The following NKAIN3 variants were observed in gnomAD, a reference collection of about 807,000 sequenced individuals.
The protein encoded by NKAIN3 is sodium/potassium transporting ATPase interacting 3, also known as sodium/potassium-transporting ATPase subunit beta-1-interacting protein 3.
In NKAIN3, 25 loss-of-function variants were observed where a neutral mutation model predicts 30.2. That is an observed-to-expected ratio of 0.83 (90% CI 0.60 to 1.16). The LOEUF (loss-of-function observed/expected upper bound fraction) is 1.16, where lower values mean the gene tolerates loss of function less well. Among genes scored for constraint, NKAIN3 ranks in the 50% most tolerant of loss-of-function variants. The pLI is 0.00. For synonymous variants in NKAIN3, 91 were observed against 89.6 expected (o/e 1.02, Z -0.09); for missense variants, 225 against 254.1 (o/e 0.89, Z 0.78).
intron 5 of NKAIN3, 75 bp downstream of exon 5, chr8:62,918,588 C>T: frequency 1.1e-6 from 1 of 947,330 alleles, no homozygotes; most frequent in Non-Finnish European, 1.7e-6. Context: ...CATTACAGGG[C>T]TATGAAATGA....
intron 1 of NKAIN3, among the ~76,000 whole-genome samples, chr8:62,289,264 A>G (rs1335164701): frequency 1.3e-5 from 2 of 152,112 alleles, no homozygotes; most frequent in Non-Finnish European, 2.9e-5. Context: ...CCATTTGTCA[A>G]TTTTGGCTTT....
At chr8:62,261,850 A>C (rs1333475997) in intron 1 of NKAIN3, among the ~76,000 whole-genome samples, 1 of 152,202 alleles carries the variant, frequency 6.6e-6, no homozygotes, top group Non-Finnish European at 1.5e-5. Flanking sequence ...TCTTATTTTC[A>C]TGAGGCAGAT....
intron 3 of NKAIN3, among the ~76,000 whole-genome samples, chr8:62,734,709 A>G (rs1436556719): frequency 6.6e-6 from 1 of 152,240 alleles, no homozygotes; most frequent in African/African-American, 2.4e-5. Context: ...AGGAGTTAGT[A>G]ATGTCAAAAA....
chr8:62,325,818 T>G (rs950042487), intron 1 of NKAIN3, among the ~76,000 whole-genome samples: 7 of 152,116 alleles, frequency 4.6e-5, no homozygotes, highest in African/African-American at 1.7e-4. Flanking sequence ...TGTTTGTATA[T>G]CTTTTTTTGA....
chr8:62,803,019 G>A (rs1015910424), intron 4 of NKAIN3, among the ~76,000 whole-genome samples: 1 of 152,054 alleles, frequency 6.6e-6, no homozygotes, highest in Non-Finnish European at 1.5e-5. Flanking sequence ...GACAAAGAAG[G>A]CCATTATATA....
intron 1 of NKAIN3, among the ~76,000 whole-genome samples, chr8:62,444,870 T>A (rs1389591307): frequency 2.6e-5 from 4 of 152,218 alleles, no homozygotes; most frequent in African/African-American, 9.6e-5. Flanking sequence ...CCAGCATCCA[T>A]TATTCCCTGT....
rs10217011 is a variant in NKAIN3, at chr8:62,623,455, C to T, written c.273+33661C>T. Among the ~76,000 whole-genome samples, 1,316 of 152,186 alleles carry T rather than the reference C, an allele frequency of 8.6e-3. 19 individuals are homozygous for T. Among genetic ancestry groups the T allele is most frequent in the African/African-American group, 0.03 (1,254 of 41,542 alleles). On this transcript the variant is annotated intron_variant, in intron 3 of 6. Transcript: ENST00000623646. ...TATACCATTGCTGTCATTTCTTTCACTTATACATAAGTATATGCTTGTGTG... is the reference window on the plus strand; with the variant it reads ...TATACCATTGCTGTCATTTCTTTCATTTATACATAAGTATATGCTTGTGTG...
chr8:62,919,725 A>T (rs1227704486), intron 5 of NKAIN3, among the ~76,000 whole-genome samples: 1 of 152,168 alleles, frequency 6.6e-6, no homozygotes, highest in African/African-American at 2.4e-5. Flanking sequence ...ACAACCTCAA[A>T]GGGGTCTGAT....
intron 1 of NKAIN3, among the ~76,000 whole-genome samples, chr8:62,362,235 A>G (rs1467858832): frequency 1.3e-5 from 2 of 152,212 alleles, no homozygotes; most frequent in African/African-American, 4.8e-5. Context: ...AGTTTGTAAA[A>G]CAGAATAGGA....
intron 1 of NKAIN3, among the ~76,000 whole-genome samples, chr8:62,500,124 T>C (rs976729083): frequency 2.6e-5 from 4 of 152,116 alleles, no homozygotes; most frequent in Non-Finnish European, 5.9e-5. Flanking sequence ...CAGAGACTTC[T>C]ATCATCCTCA....
chr8:62,274,597 A>C (rs1812874516), intron 1 of NKAIN3, among the ~76,000 whole-genome samples: 1 of 151,878 alleles, frequency 6.6e-6, no homozygotes, highest in Non-Finnish European at 1.5e-5. Context: ...TTTTTTTTAA[A>C]TTTAGTTATT....
At position 62,537,340 on chromosome 8, in the gene NKAIN3, A is replaced by G. The variant is rs566932328; in HGVS notation, c.55-42199A>G. ...AACTGATTTTACTTAGGGAATACCA[A>G]TAAGGTTTAAAATATGCCTTTATTT... On this transcript the variant is annotated intron_variant, in intron 1 of 6. Transcript: ENST00000623646. Among the ~76,000 whole-genome samples, 4 of 152,310 alleles carry G rather than the reference A, an allele frequency of 2.6e-5. No individual in the cohort carries two copies. In the East Asian group the frequency reaches 5.8e-4, roughly 22 times the overall value.
intron 1 of NKAIN3, among the ~76,000 whole-genome samples, chr8:62,447,003 C>T (rs1050280031): frequency 2.0e-5 from 3 of 152,018 alleles, no homozygotes; most frequent in African/African-American, 7.2e-5. Flanking sequence ...ACTAATAAGA[C>T]ATTAGAAATC....
chr8:62,524,904 A>G (rs540458034), intron 1 of NKAIN3, among the ~76,000 whole-genome samples: 28 of 152,226 alleles, frequency 1.8e-4, no homozygotes, highest in Admixed American at 1.8e-3. Context: ...GATGCTCTAT[A>G]TGGTCATATT....
intron 1 of NKAIN3, among the ~76,000 whole-genome samples, chr8:62,509,430 T>TCC (rs1807751171): frequency 6.6e-6 from 1 of 152,156 alleles, no homozygotes; most frequent in South Asian, 2.1e-4. Flanking sequence ...TTGCTGAGCT[T>TCC]CCCCTGTCTG....
chr8:62,933,904 G>A (rs1822699888), intron 5 of NKAIN3, among the ~76,000 whole-genome samples: 1 of 152,150 alleles, frequency 6.6e-6, no homozygotes. Flanking sequence ...GACAGTAATT[G>A]AAAAATTACA....
chr8:62,938,660 T>C (rs1822858859), intron 5 of NKAIN3, among the ~76,000 whole-genome samples: 1 of 152,102 alleles, frequency 6.6e-6, no homozygotes, highest in Admixed American at 6.5e-5. Context: ...ACAATCACTG[T>C]AGTCAGGCTC....
At chr8:62,405,506 A>C (rs2129595536) in intron 1 of NKAIN3, among the ~76,000 whole-genome samples, 1 of 152,324 alleles carries the variant, frequency 6.6e-6, no homozygotes, top group South Asian at 2.1e-4. Context: ...ATGCTGGCTG[A>C]GTTCTGCCTG....
chr8:62,589,925 A>T, intron 3 of NKAIN3, 131 bp downstream of exon 3: 1 of 471,878 alleles, frequency 2.1e-6, no homozygotes. Context: ...GTATAGAATG[A>T]TAAAATACTA....
Sources: gnomAD v4.1 joint callset for allele counts (sites outside exome capture counted in the v4.1 genomes callset) on GRCh38, gnomAD v4.1.1 for gene constraint, MANE v1.5 for transcripts, NCBI Gene and HGNC (gene_info 2026-07-23, HGNC 2026-07-21) for gene names.